Variants in KCNB2 observed in about 807,000 individuals in gnomAD.
KCNB2 encodes the protein delayed rectifier potassium channel protein.
Under a neutral mutation model 61.5 loss-of-function variants are expected in KCNB2, and 15 were observed. The observed-to-expected ratio is 0.24, with a 90% CI of 0.16 to 0.38. The LOEUF is 0.38. Among genes scored for constraint, KCNB2 ranks in the 10% least tolerant of loss-of-function variants. The pLI, the probability that KCNB2 is intolerant of heterozygous loss-of-function variation, is 1.00. For missense variants in KCNB2, 828 were observed against 1,125.2 expected, an observed-to-expected ratio of 0.74 and a Z score of 3.78; for synonymous variants, 457 against 446.0, an observed-to-expected ratio of 1.02 and a Z score of -0.31.
At chr8:72,749,408 G>C (rs1243110193) in intron 2 of KCNB2, 2 of 152,004 alleles carry the variant, frequency 1.3e-5, no homozygotes, top group African/African-American at 4.8e-5. Flanking sequence ...GACCCACTGT[G>C]AGTGGCCTGA....
In KCNB2 at chr8:72,583,356, T is replaced by A. The variant is rs183515625; in HGVS notation, c.579+15043T>A. 4.1e-4 allele frequency among the ~76,000 whole-genome samples: 63 copies of A among 152,314 alleles called. 1 individual carries two copies. The East Asian group carries it at 0.012, about 28-fold the overall frequency. ...ACATCTTCTAAGAATTTTAATGAGA[T>A]AATTGCTAAGAGTAAAATTGTATCC... is the stretch of plus-strand genomic sequence containing the variant. On this transcript the variant is annotated intron_variant, in intron 2 of 2. Transcript: ENST00000523207.
At chr8:72,817,174 G>T (rs142687931) in intron 2 of KCNB2, among the ~76,000 whole-genome samples, 2 of 152,290 alleles carry the variant, frequency 1.3e-5, no homozygotes, top group Admixed American at 1.3e-4. Flanking sequence ...ATCAAAGAGT[G>T]TCTGCTTATG....
At chr8:72,591,740 T>C (rs1001366990) in intron 2 of KCNB2, among the ~76,000 whole-genome samples, 1 of 152,172 alleles carries the variant, frequency 6.6e-6, no homozygotes, top group African/African-American at 2.4e-5. Context: ...TACCAATGGA[T>C]TGAAGATATT....
At chr8:72,591,840 G>C (rs898193001) in intron 2 of KCNB2, among the ~76,000 whole-genome samples, 2 of 151,966 alleles carry the variant, frequency 1.3e-5, no homozygotes, top group Non-Finnish European at 2.9e-5. Context: ...GATTATTTTG[G>C]CTATTATTTT....
In KCNB2 at chr8:72,891,037, C is replaced by T. The variant is rs555097764; in HGVS notation, c.580-44898C>T. Among the ~76,000 whole-genome samples the T allele has an allele frequency of 5.3e-5, 8 of 152,296 alleles. No individual in the cohort carries two copies. In the South Asian group the frequency reaches 1.7e-3, roughly 32 times the overall value. On this transcript the variant is annotated intron_variant, in intron 2 of 2. Transcript: ENST00000523207. ...AAAGTTACATAAGCGAAGACTGAAT[C>T]CAAATGACACATAGTTCAACAGCGG...
intron 2 of KCNB2, among the ~76,000 whole-genome samples, chr8:72,667,178 G>C (rs1008556603): frequency 6.6e-6 from 1 of 152,138 alleles, no homozygotes; most frequent in African/African-American, 2.4e-5. Context: ...GATTACCTGG[G>C]TTAGCTCATG....
At chr8:72,784,610 G>A (rs1255234852) in intron 2 of KCNB2, among the ~76,000 whole-genome samples, 1 of 152,130 alleles carries the variant, frequency 6.6e-6, no homozygotes, top group African/African-American at 2.4e-5. Flanking sequence ...AGCAAAGGGA[G>A]TAAAGTCCCT....
chr8:72,915,433 G>A (rs1327164167), intron 2 of KCNB2, among the ~76,000 whole-genome samples: 2 of 152,094 alleles, frequency 1.3e-5, no homozygotes, highest in Non-Finnish European at 2.9e-5. Flanking sequence ...TAACATGGGA[G>A]GGGGAAGGAG....
At chr8:72,734,550 C>G (rs1473097212) in intron 2 of KCNB2, among the ~76,000 whole-genome samples, 1 of 152,166 alleles carries the variant, frequency 6.6e-6, no homozygotes, top group Non-Finnish European at 1.5e-5. Context: ...AAGCTGGATG[C>G]TACTATGACG....
chr8:72,840,915 C>A (rs1809871422), intron 2 of KCNB2, among the ~76,000 whole-genome samples: 1 of 152,118 alleles, frequency 6.6e-6, no homozygotes, highest in African/African-American at 2.4e-5. Flanking sequence ...TAATTAGGTC[C>A]CATTTGTCAA....
intron 2 of KCNB2, among the ~76,000 whole-genome samples, chr8:72,777,279 A>G (rs1043607391): frequency 6.6e-6 from 1 of 152,240 alleles, no homozygotes; most frequent in African/African-American, 2.4e-5. Context: ...TGTAAGTGCT[A>G]CTAAGACATT....
At chr8:72,926,973 A>G (rs1806662827) in intron 2 of KCNB2, among the ~76,000 whole-genome samples, 1 of 152,188 alleles carries the variant, frequency 6.6e-6, no homozygotes, top group South Asian at 2.1e-4. Context: ...CAGCATCCTC[A>G]AGCTTTGGCA....
At chr8:72,586,096 G>A (rs1402231447) in intron 2 of KCNB2, among the ~76,000 whole-genome samples, 1 of 152,192 alleles carries the variant, frequency 6.6e-6, no homozygotes, top group Non-Finnish European at 1.5e-5. Flanking sequence ...TGTCCACACT[G>A]TCAGATGCCT....
At chr8:72,831,945 A>G (rs2129001921) in intron 2 of KCNB2, among the ~76,000 whole-genome samples, 1 of 152,364 alleles carries the variant, frequency 6.6e-6, no homozygotes, top group Middle Eastern at 3.4e-3. Flanking sequence ...CATTGTCTTC[A>G]CCCTTTTAAG....
chr8:72,542,912 A>G (rs1296881690), intron 1 of KCNB2, among the ~76,000 whole-genome samples: 1 of 152,212 alleles, frequency 6.6e-6, no homozygotes, highest in Non-Finnish European at 1.5e-5. Flanking sequence ...ATAAGACACT[A>G]TGCACTCACA....
intron 2 of KCNB2, among the ~76,000 whole-genome samples, chr8:72,924,832 G>T (rs183371889): frequency 6.6e-6 from 1 of 152,102 alleles, no homozygotes; most frequent in African/African-American, 2.4e-5. Flanking sequence ...TGCTTGCAAC[G>T]GAAGATTCAG....
chr8:72,841,985 G>T (rs928425865), intron 2 of KCNB2, among the ~76,000 whole-genome samples: 14 of 152,310 alleles, frequency 9.2e-5, no homozygotes, highest in African/African-American at 2.9e-4. Flanking sequence ...AAGTGAGAGA[G>T]GGCATCCTTG....
intron 2 of KCNB2, among the ~76,000 whole-genome samples, chr8:72,845,181 A>C (rs1809965902): frequency 6.6e-6 from 1 of 152,076 alleles, no homozygotes. Context: ...TTTTCCTTCT[A>C]ACCATCATGC....
At chr8:72,785,146 T>C (rs1221602005) in intron 2 of KCNB2, among the ~76,000 whole-genome samples, 1 of 152,200 alleles carries the variant, frequency 6.6e-6, no homozygotes, top group Non-Finnish European at 1.5e-5. Flanking sequence ...TTTGAGTGGT[T>C]GCTAGGGATA....
Sources: allele counts gnomAD v4.1 joint callset (sites outside exome capture counted in the v4.1 genomes callset), GRCh38; gene constraint gnomAD v4.1.1; transcripts MANE v1.5; gene names NCBI Gene and HGNC (gene_info 2026-07-23, HGNC 2026-07-21).